The following MPP7 variants were observed in gnomAD, a reference collection of about 807,000 sequenced individuals.
MPP7 encodes the protein MAGUK p55 scaffold protein 7.
A neutral mutation model predicts 76.5 loss-of-function variants in MPP7; 60 were observed. The ratio of observed to expected loss-of-function variants is 0.78; its 90% CI spans 0.64 to 0.97. The LOEUF is 0.97. Among genes scored for constraint, MPP7 ranks in the 50% least tolerant of loss-of-function variants. The pLI, the probability that MPP7 is intolerant of heterozygous loss-of-function variation, is 0.00. For missense variants in MPP7, 641 were observed against 694.0 expected, an observed-to-expected ratio of 0.92 and a Z score of 0.86; for synonymous variants, 237 against 244.5, an observed-to-expected ratio of 0.97 and a Z score of 0.29.
intron 12 of MPP7, among the ~76,000 whole-genome samples, chr10:28,081,768 C>CTTT (rs527520547): frequency 5.4e-4 from 77 of 143,830 alleles, no homozygotes; most frequent in African/African-American, 1.8e-3. Flanking sequence ...AAATTATTCT[C>CTTT]TTTTTTTTTT....
chr10:28,197,520 C>T (rs1287286976), intron 3 of MPP7, among the ~76,000 whole-genome samples: 2 of 152,134 alleles, frequency 1.3e-5, no homozygotes, highest in Non-Finnish European at 2.9e-5. Flanking sequence ...CAGGTTCCAA[C>T]TTAAGATACC....
rs180817965 is a variant in MPP7, at chr10:28,073,937, C to T, written c.1124-4085G>A. On this transcript the variant is annotated intron_variant, in intron 12 of 16. Coordinates refer to ENST00000683449, the MANE Select transcript of MPP7 (RefSeq NM_001318170.2). ...TTCCTCCAGAAAGCCACCCCTGATC[C>T]TAGAGGATCAGGGTTCCCACTTTCA... is the stretch of plus-strand genomic sequence containing the variant. Among the ~76,000 whole-genome samples, 290 of 152,130 alleles carry T rather than the reference C, an allele frequency of 1.9e-3. 1 individual carries two copies. Among genetic ancestry groups the T allele is most frequent in the Non-Finnish European group, 1.8e-3 (122 of 68,006 alleles).
chr10:28,291,604 C>A (rs1357527900), intron 1 of MPP7, among the ~76,000 whole-genome samples: 1 of 151,710 alleles, frequency 6.6e-6, no homozygotes, highest in Non-Finnish European at 1.5e-5. Context: ...CAGAGAGAGA[C>A]ACTGTCTCAA....
intron 8 of MPP7, among the ~76,000 whole-genome samples, chr10:28,122,101 A>G (rs1431347542): frequency 6.6e-6 from 1 of 152,238 alleles, no homozygotes; most frequent in Non-Finnish European, 1.5e-5. Flanking sequence ...GGCGCTCACA[A>G]ATCTTATAAA....
chr10:28,242,276 C>T (rs1049917961), intron 1 of MPP7, among the ~76,000 whole-genome samples: 3 of 152,164 alleles, frequency 2.0e-5, no homozygotes, highest in African/African-American at 7.2e-5. Flanking sequence ...TAGATTATTT[C>T]ACCAGATACA....
chr10:28,320,793 G>T (rs1834362357), intron 2 of MPP7, among the ~76,000 whole-genome samples: 1 of 150,550 alleles, frequency 6.6e-6, no homozygotes. Context: ...CTCCTATTTT[G>T]CCACTTCCAA....
intron 2 of MPP7, among the ~76,000 whole-genome samples, chr10:28,314,464 T>C (rs988282425): frequency 2.6e-5 from 4 of 152,086 alleles, no homozygotes; most frequent in African/African-American, 9.7e-5. Flanking sequence ...CCTCCTGGAG[T>C]GGGCTTGATG....
chr10:28,108,296 A>T (rs1026093370), intron 11 of MPP7, among the ~76,000 whole-genome samples: 3 of 152,208 alleles, frequency 2.0e-5, no homozygotes, highest in Non-Finnish European at 2.9e-5. Flanking sequence ...TTCAATAACC[A>T]GGAGATATTA....
At chr10:28,288,551 G>A (rs1840838874) in intron 1 of MPP7, among the ~76,000 whole-genome samples, 1 of 151,988 alleles carries the variant, frequency 6.6e-6, no homozygotes, top group Admixed American at 6.6e-5. Flanking sequence ...AGGTTATTAT[G>A]TTTTATTGAA....
At chr10:28,308,979 A>G (rs1057120780) in intron 2 of MPP7, among the ~76,000 whole-genome samples, 5 of 152,182 alleles carry the variant, frequency 3.3e-5, no homozygotes, top group African/African-American at 1.2e-4. Context: ...GATCAATGAG[A>G]ATGGAACACC....
chr10:28,131,852 C>T (rs529148969), intron 5 of MPP7, among the ~76,000 whole-genome samples, 161 bp from the exon 6 acceptor site: 2 of 152,142 alleles, frequency 1.3e-5, no homozygotes, highest in Admixed American at 1.3e-4. Context: ...GAATAGGTTC[C>T]TCTTACAAAT....
At chr10:28,224,578 A>G (rs1237558340) in intron 2 of MPP7, among the ~76,000 whole-genome samples, 1 of 152,228 alleles carries the variant, frequency 6.6e-6, no homozygotes, top group East Asian at 1.9e-4. Context: ...TAAAAACATG[A>G]TAATTTGCTT....
intron 2 of MPP7, among the ~76,000 whole-genome samples, chr10:28,308,739 T>C (rs1019859672): frequency 1.3e-5 from 2 of 151,670 alleles, no homozygotes; most frequent in East Asian, 1.9e-4. Context: ...GATCACGCCA[T>C]TGCACTCCAG....
intron 2 of MPP7, chr10:28,203,339 T>C (rs1257745642): frequency 6.6e-6 from 1 of 152,156 alleles, no homozygotes; most frequent in Non-Finnish European, 1.5e-5. Context: ...GTATATCTAT[T>C]ATCTTCCTGA....
Position 28,326,682 on chromosome 10 carries a change from T to G in MPP7, c.-132+3247A>C, listed in dbSNP as rs1229114665. Among the ~76,000 whole-genome samples the G allele has an allele frequency of 2.0e-5, 3 of 152,202 alleles. No individual in the cohort carries two copies. In the South Asian group the frequency reaches 6.2e-4, roughly 32 times the overall value. The stretch of plus-strand genomic sequence containing the variant: ...TTGAAAATACATTTTTCAAATTGCC[T>G]GTCCACAGCGTAGTTTTACTGTGAC... On this transcript the variant is annotated intron_variant, in intron 2 of 11. Coordinates refer to the MPP7 transcript ENST00000441595.
At chr10:28,066,959 T>G (rs1470227211) in intron 13 of MPP7, among the ~76,000 whole-genome samples, 3 of 152,172 alleles carry the variant, frequency 2.0e-5, no homozygotes, top group Admixed American at 1.3e-4. Context: ...TGATAAGCAT[T>G]TGAGTAGTTT....
intron 1 of MPP7, among the ~76,000 whole-genome samples, chr10:28,300,519 T>C (rs1379515143): frequency 1.3e-5 from 2 of 152,110 alleles, no homozygotes; most frequent in Non-Finnish European, 2.9e-5. Context: ...CACTAAAACA[T>C]AAATAAGTAA....
intron 12 of MPP7, among the ~76,000 whole-genome samples, chr10:28,078,003 G>A (rs1345383717): frequency 6.6e-6 from 1 of 152,164 alleles, no homozygotes; most frequent in Non-Finnish European, 1.5e-5. Flanking sequence ...AGAACACTGA[G>A]ACAATGAAAG....
At chr10:28,166,917 C>A (rs1470229928) in intron 3 of MPP7, among the ~76,000 whole-genome samples, 1 of 152,114 alleles carries the variant, frequency 6.6e-6, no homozygotes, top group Non-Finnish European at 1.5e-5. Context: ...TTATTTTTCA[C>A]TGCTACATAA....
Sources: allele counts gnomAD v4.1 joint callset (sites outside exome capture counted in the v4.1 genomes callset), GRCh38; gene constraint gnomAD v4.1.1; transcripts MANE v1.5; gene names NCBI Gene and HGNC (gene_info 2026-07-23, HGNC 2026-07-21).